SYT6: variants seen among roughly 807,000 people sequenced by gnomAD.
The protein encoded by SYT6 is synaptotagmin 6.
A neutral mutation model predicts 38.4 loss-of-function variants in SYT6; 24 were observed. The observed-to-expected ratio is 0.62, with a 90% CI of 0.45 to 0.88. The LOEUF (loss-of-function observed/expected upper bound fraction) is 0.88, where lower values mean the gene tolerates loss of function less well. SYT6 is among the 40% of genes least tolerant of loss of function. The pLI, the probability that SYT6 is intolerant of heterozygous loss-of-function variation, is 0.00. For synonymous variants in SYT6, 265 were observed against 241.9 expected, an observed-to-expected ratio of 1.10 and a Z score of -0.89; for missense variants, 611 against 621.0, an observed-to-expected ratio of 0.98 and a Z score of 0.17.
intron 3 of SYT6, among the ~76,000 whole-genome samples, chr1:114,113,905 C>G (rs1372357228): frequency 6.6e-6 from 1 of 152,206 alleles, no homozygotes; most frequent in Non-Finnish European, 1.5e-5. Context: ...AAGCACTTAT[C>G]AAGATCTACA....
intron 3 of SYT6, among the ~76,000 whole-genome samples, chr1:114,127,584 G>A (rs1677820041): frequency 6.6e-6 from 1 of 152,170 alleles, no homozygotes; most frequent in African/African-American, 2.4e-5. Context: ...AGTCACTATA[G>A]GACATGAGGT....
At chr1:114,102,305 C>G (rs1351299300) in intron 4 of SYT6, among the ~76,000 whole-genome samples, 1 of 152,144 alleles carries the variant, frequency 6.6e-6, no homozygotes, top group Non-Finnish European at 1.5e-5. Context: ...AGAAGAGGTC[C>G]GTTAATCTCT....
intron 3 of SYT6, among the ~76,000 whole-genome samples, chr1:114,114,528 G>T (rs1676877962): frequency 6.6e-6 from 1 of 152,196 alleles, no homozygotes; most frequent in African/African-American, 2.4e-5. Flanking sequence ...ATGGTGTCAG[G>T]GTGGAGCCTC....
rs2432 is a variant in SYT6 at position 114,089,358 on chromosome 1, C to T, written c.*2776G>A. 0.42 allele frequency: 64,408 copies of T among 152,540 alleles called. 15,849 individuals carry two copies. The highest frequency in any genetic ancestry group is 0.9 in the East Asian group (4,781 of 5,322). The allele number at this position is 152,540 out of a possible 1,614,324, so 9.4% of individuals were successfully genotyped here. On this transcript the variant is annotated 3_prime_UTR_variant, in exon 8 of 8. Transcript: ENST00000610222. ...TGTGACACGGGTGGGAAGACACAAA[C>T]GAGTAATTAACAACATAATATTTTA...
intron 6 of SYT6, among the ~76,000 whole-genome samples, chr1:114,094,561 G>T (rs1385222360): frequency 4.6e-5 from 7 of 152,282 alleles, no homozygotes; most frequent in African/African-American, 1.7e-4. Flanking sequence ...ATTTATGAAA[G>T]AATCCCAGCA....
At chr1:114,153,432 G>C (rs1007725012) in intron 1 of SYT6, among the ~76,000 whole-genome samples, 178 bp downstream of exon 1, 3 of 152,240 alleles carry the variant, frequency 2.0e-5, no homozygotes, top group Non-Finnish European at 2.9e-5. Flanking sequence ...CTCCCCTTCG[G>C]GTCTCTCCTG....
intron 3 of SYT6, among the ~76,000 whole-genome samples, chr1:114,130,009 A>C (rs894456391): frequency 6.6e-6 from 1 of 152,022 alleles, no homozygotes; most frequent in Non-Finnish European, 1.5e-5. Context: ...TGATCATGCC[A>C]GATGCCATCC....
chr1:114,102,034 C>G (rs1033642215), intron 4 of SYT6, among the ~76,000 whole-genome samples: 5 of 152,156 alleles, frequency 3.3e-5, no homozygotes, highest in African/African-American at 4.8e-5. Context: ...ATCTCACACC[C>G]CAAACCCTCT....
chr1:114,130,831 A>G (rs549851307), intron 3 of SYT6, among the ~76,000 whole-genome samples: 1 of 152,340 alleles, frequency 6.6e-6, no homozygotes, highest in South Asian at 2.1e-4. Flanking sequence ...GGACAGACCT[A>G]GAAACCTGAG....
chr1:114,134,377 T>C (rs1222308031), intron 3 of SYT6, among the ~76,000 whole-genome samples: 1 of 152,226 alleles, frequency 6.6e-6, no homozygotes, highest in Non-Finnish European at 1.5e-5. Flanking sequence ...GGTACCCATA[T>C]ATAGTTTTAA....
chr1:114,100,695 A>AG (rs1304661226), intron 4 of SYT6, among the ~76,000 whole-genome samples: 1 of 152,236 alleles, frequency 6.6e-6, no homozygotes, highest in Non-Finnish European at 1.5e-5. Flanking sequence ...AATGGAAGTA[A>AG]GAGTTTTGAG....
rs565386745 is a variant in SYT6, at chr1:114,130,747, A to G, written c.1071+6748T>C. On this transcript the variant is annotated intron_variant, in intron 3 of 7. Coordinates refer to ENST00000610222, the MANE Select transcript of SYT6 (RefSeq NM_001253772.2). ...CAGTTAGTTGTTCTAGGACCCAAGT[A>G]TGTTCTTTGAGGGCTCGTTGAAGAC... Among the ~76,000 whole-genome samples the G allele has an allele frequency of 1.1e-3, 163 of 152,306 alleles. 5 individuals are homozygous for G. In the South Asian group the frequency reaches 0.033, roughly 31 times the overall value.
At chr1:114,099,885 C>G (rs974332947) in intron 4 of SYT6, among the ~76,000 whole-genome samples, 2 of 152,120 alleles carry the variant, frequency 1.3e-5, no homozygotes, top group East Asian at 3.8e-4. Flanking sequence ...ATCTAGAAGG[C>G]GTGAAGTGGC....
chr1:114,145,502 GTTTTTT>G (rs752982644), intron 1 of SYT6, among the ~76,000 whole-genome samples: 1 of 111,626 alleles, frequency 9.0e-6, no homozygotes, highest in Admixed American at 9.3e-5. Context: ...GAGGTATTAA[GTTTTTT>G]TTTTTTTTTT....
At chr1:114,117,311 C>T (rs975122745) in intron 3 of SYT6, among the ~76,000 whole-genome samples, 16 of 152,360 alleles carry the variant, frequency 1.1e-4, no homozygotes, top group Admixed American at 6.5e-4. Flanking sequence ...AAAACCGAGA[C>T]GTGCATATAG....
intron 3 of SYT6, among the ~76,000 whole-genome samples, chr1:114,110,409 C>T (rs1676606467): frequency 6.6e-6 from 1 of 152,144 alleles, no homozygotes; most frequent in Admixed American, 6.5e-5. Flanking sequence ...TGTGCGGCCG[C>T]TTTATTCATA....
intron 1 of SYT6, among the ~76,000 whole-genome samples, chr1:114,142,786 C>T (rs564122812): frequency 3.3e-5 from 5 of 152,136 alleles, no homozygotes; most frequent in Non-Finnish European, 5.9e-5. Context: ...GACCCTCCAC[C>T]AGCAAAAAGA....
Position 114,137,514 on chromosome 1 carries a change from T to A in SYT6, c.1052A>T (p.Asp351Val), listed in dbSNP as rs367659894. 49 of 1,613,464 alleles carry A rather than the reference T, an allele frequency of 3.0e-5. No individual in the cohort carries two copies. Among genetic ancestry groups the A allele is most frequent in the Non-Finnish European group, 3.8e-5 (45 of 1,179,538 alleles). Residue 351 changes from aspartate (D) to valine (V), a missense_variant, in exon 3 of 8, where the codon GAT becomes GTT. Asp to Val is a radical substitution (Grantham distance 152, BLOSUM62 -3). Transcript: ENST00000610222. Reference protein sequence around the residue: ...DLSRETSIWKDIQYATSESVD... With the variant: ...DLSRETSIWKVIQYATSESVD... Reference sequence around the variant, plus strand: ...ACTTACACTTGTGGCATATTGGATATCCTTCCAGATGGAGGTTTCCCGAGA... The same window carrying A: ...ACTTACACTTGTGGCATATTGGATAACCTTCCAGATGGAGGTTTCCCGAGA...
chr1:114,142,454 A>G (rs887395933), intron 1 of SYT6, among the ~76,000 whole-genome samples: 20 of 152,344 alleles, frequency 1.3e-4, no homozygotes, highest in Middle Eastern at 3.4e-3. Flanking sequence ...TAAATATTTT[A>G]TCTTCTTGAG....
Sources: allele counts gnomAD v4.1 joint callset (sites outside exome capture counted in the v4.1 genomes callset), GRCh38; gene constraint gnomAD v4.1.1; transcripts MANE v1.5; gene names NCBI Gene and HGNC (gene_info 2026-07-23, HGNC 2026-07-21).